Variants in MRPL34 observed in about 807,000 individuals in gnomAD.
The protein encoded by MRPL34 is large ribosomal subunit protein bL34m.
Under a neutral mutation model 6.7 loss-of-function variants are expected in MRPL34, and 8 were observed. That is an observed-to-expected ratio of 1.20 (90% CI 0.70 to 2.16). The LOEUF is 2.16. MRPL34 is among the 30% of genes most tolerant of loss of function. The pLI, the probability that MRPL34 is intolerant of heterozygous loss-of-function variation, is 0.00. For synonymous variants in MRPL34, 59 were observed against 55.1 expected (o/e 1.07, Z -0.31); for missense variants, 146 against 125.5 (o/e 1.16, Z -0.78).
In MRPL34 at chr19:17,294,633, C is replaced by T. The variant is rs200349196; in HGVS notation, c.214+1779C>T. On this transcript the variant is annotated intron_variant, in intron 1 of 2. Transcript: ENST00000595444. ...TCCAACTCGAGCAGATGCCTGGGTT[C>T]GCCAGGGCCAGGATCACGGTCTTTG... 5.5e-5 allele frequency: 88 copies of T among 1,608,850 alleles called. No homozygotes were observed. The African/African-American group carries it at 6.9e-4, about 13-fold the overall frequency.
At chr19:17,301,313 C>T (rs867132263), upstream of MRPL34, 1 of 1,607,594 alleles carries the variant, frequency 6.2e-7, no homozygotes, top group Non-Finnish European at 8.5e-7. Flanking sequence ...TGTAGGAGGT[C>T]GGCTCGAGGG....
At chr19:17,294,142 T>C (rs2074082712) in intron 1 of MRPL34, 4 of 955,936 alleles carry the variant, frequency 4.2e-6, no homozygotes, top group Non-Finnish European at 4.6e-6. Flanking sequence ...ATACAGCAAC[T>C]AGAGGCCACG....
upstream of MRPL34, among the ~76,000 whole-genome samples, chr19:17,302,568 T>C (rs560371039): frequency 1.8e-4 from 28 of 152,290 alleles, no homozygotes; most frequent in African/African-American, 5.8e-4. Flanking sequence ...CAGAAAGCCT[T>C]GCTCAGCTCC....
chr19:17,299,376 A>G (rs1457681537), upstream of MRPL34, among the ~76,000 whole-genome samples: 2 of 151,868 alleles, frequency 1.3e-5, no homozygotes, highest in Non-Finnish European at 2.9e-5. Context: ...CCTGGCTAAC[A>G]CGGTGAAACC....
At chr19:17,301,776 TTGTGTGTGTGTG>T (rs10679164), upstream of MRPL34, among the ~76,000 whole-genome samples, 47 of 147,450 alleles carry the variant, frequency 3.2e-4, no homozygotes, top group Non-Finnish European at 5.5e-4. Flanking sequence ...ATTTTTTTGT[TTGTGTGTGTGTG>T]TGTGTGTGTG....
upstream of MRPL34, chr19:17,301,535 C>G (rs1429668458): frequency 6.8e-6 from 11 of 1,609,702 alleles, no homozygotes; most frequent in African/African-American, 2.7e-5. Flanking sequence ...TCGCTGGACT[C>G]GACGCTCTCC....
chr19:17,305,732 C>T, upstream of MRPL34: 1 of 753,778 alleles, frequency 1.3e-6, no homozygotes, highest in Non-Finnish European at 2.3e-6. Flanking sequence ...TGGCGCGCCT[C>T]TGTTGCGCAG....
chr19:17,305,849 C>A, upstream of MRPL34: 1 of 1,597,360 alleles, frequency 6.3e-7, no homozygotes, highest in Non-Finnish European at 8.6e-7. Context: ...CGGCTCTGGG[C>A]TCCGGAATCG....
At chr19:17,299,664 G>A (rs1372292997), upstream of MRPL34, among the ~76,000 whole-genome samples, 2 of 151,508 alleles carry the variant, frequency 1.3e-5, no homozygotes, top group African/African-American at 4.9e-5. Context: ...GAGCCCAGTA[G>A]TTAAAGAACA....
upstream of MRPL34, among the ~76,000 whole-genome samples, chr19:17,303,676 C>T (rs1459100136): frequency 6.6e-6 from 1 of 152,180 alleles, no homozygotes; most frequent in South Asian, 2.1e-4. Flanking sequence ...AGTGTGCGGC[C>T]GGGGCCCTCT....
At chr19:17,297,739 CT>C (rs2074099063) in intron 1 of MRPL34, 1 of 114,164 alleles carries the variant, frequency 8.8e-6, no homozygotes, top group Non-Finnish European at 1.9e-5. Context: ...TCTTTGTTTT[CT>C]TTTCTTTTTT....
At chr19:17,301,743 A>G (rs2074120322), upstream of MRPL34, 1 of 1,214,008 alleles carries the variant, frequency 8.2e-7, no homozygotes, top group South Asian at 1.9e-5. Flanking sequence ...GGAGCGCCAG[A>G]TCAAGTGAGC....
chr19:17,306,096 CAG>C, intron 1 of MRPL34, 68 bp from the exon 2 acceptor site: 1 of 1,498,204 alleles, frequency 6.7e-7, no homozygotes, highest in Non-Finnish European at 9.0e-7. Context: ...AGCCGAGGCT[CAG>C]AGAGGTTGAG....
upstream of MRPL34, among the ~76,000 whole-genome samples, chr19:17,298,735 C>CTTTTTTT (rs34731394): frequency 1.4e-4 from 10 of 70,452 alleles, no homozygotes; most frequent in East Asian, 3.9e-4. Flanking sequence ...AACAACACTG[C>CTTTTTTT]TTTTTTTTTT....
rs781549461 is a variant in MRPL34, at chr19:17,306,250, G to C, written c.150G>C (p.Gly50=). ...AGCAGGCCCGGGGCAAGGCTCGCGG[G>C]AATGAGTATCAGCCGAGCAACATCA... is the stretch of plus-strand genomic sequence containing the variant. ...TPQQARGKAR[G]NEYQPSNIKR... The change falls in exon 2 of 2, where the codon GGG becomes GGC. Residue 50 remains glycine, a synonymous_variant. Coordinates refer to ENST00000252602, the MANE Select transcript of MRPL34 (RefSeq NM_023937.4). The C allele has an allele frequency of 6.3e-7, 1 of 1,593,652 alleles. No individual in the cohort carries two copies. Among genetic ancestry groups the C allele is most frequent in the Non-Finnish European group, 8.5e-7 (1 of 1,170,860 alleles).
chr19:17,305,865 A>G (rs1433572088), upstream of MRPL34: 2 of 1,612,578 alleles, frequency 1.2e-6, no homozygotes, highest in Admixed American at 1.7e-5. Context: ...AATCGCCCGC[A>G]GCCGGTACTG....
chr19:17,305,934 G>C lies in MRPL34; in HGVS notation c.42G>C (p.Arg14Ser), dbSNP rs1407774857. 1 of 1,614,182 alleles carries C rather than the reference G, an allele frequency of 6.2e-7. No individual in the cohort carries two copies. The highest frequency in any genetic ancestry group is 8.5e-7 in the Non-Finnish European group (1 of 1,180,036). Residue 14 changes from arginine (R) to serine (S), a missense_variant, in exon 1 of 2, where the codon AGG becomes AGC. Coordinates refer to ENST00000252602, the MANE Select transcript of MRPL34 (RefSeq NM_023937.4). ...GATCCCTGTTGGGCCCCACGAGTAG[G>C]TCGGCAGCGTTGCTGGGTGGCAGGT... ...LAGSLLGPTSRSAALLGGRWL... is the reference protein window; with the variant it reads ...LAGSLLGPTSSSAALLGGRWL...
chr19:17,303,454 C>G (rs2074131410), upstream of MRPL34: 1 of 152,490 alleles, frequency 6.6e-6, no homozygotes, highest in African/African-American at 2.4e-5. Flanking sequence ...GGCGGAGCCA[C>G]GTGCCGACGG....
At chr19:17,298,571 C>T (rs12982058), upstream of MRPL34, 71,662 of 151,628 alleles carry the variant, frequency 0.47, 17,159 homozygotes, top group Non-Finnish European at 0.52. Flanking sequence ...CACCAGGGCA[C>T]GCTTGGCAAC....
Sources: gnomAD v4.1 joint callset for allele counts (sites outside exome capture counted in the v4.1 genomes callset) on GRCh38, gnomAD v4.1.1 for gene constraint, MANE v1.5 for transcripts, NCBI Gene and HGNC (gene_info 2026-07-23, HGNC 2026-07-21) for gene names.